IQUB: variants seen among roughly 807,000 people sequenced by gnomAD.
IQUB encodes the protein IQ motif and ubiquitin-like domain-containing protein.
A neutral mutation model predicts 86.4 loss-of-function variants in IQUB; 86 were observed. The ratio of observed to expected loss-of-function variants is 1.00; its 90% confidence interval spans 0.84 to 1.19. The LOEUF (loss-of-function observed/expected upper bound fraction) is 1.19, where lower values mean the gene tolerates loss of function less well. Among genes scored for constraint, IQUB ranks in the 50% most tolerant of loss-of-function variants. IQUB has a pLI of 0.00. For missense variants in IQUB, 946 were observed against 916.9 expected (o/e 1.03, Z -0.41); for synonymous variants, 289 against 304.5 (o/e 0.95, Z 0.53).
intron 3 of IQUB, among the ~76,000 whole-genome samples, chr7:123,508,352 T>C (rs1796281226): frequency 6.6e-6 from 1 of 152,214 alleles, no homozygotes; most frequent in Non-Finnish European, 1.5e-5. Context: ...AAGCGAAATA[T>C]ATGTGCTGCT....
intron 3 of IQUB, among the ~76,000 whole-genome samples, chr7:123,508,440 T>G (rs2117240602): frequency 6.6e-6 from 1 of 152,342 alleles, no homozygotes; most frequent in South Asian, 2.1e-4. Context: ...TTTATTTCTC[T>G]ACTTATTTCT....
chr7:123,514,273 T>G (rs912214919), intron 1 of IQUB, among the ~76,000 whole-genome samples: 2 of 151,800 alleles, frequency 1.3e-5, no homozygotes, highest in African/African-American at 4.8e-5. Flanking sequence ...AAGAAAACTA[T>G]CAACCTAGAA....
Position 123,503,371 on chromosome 7 carries a change from T to C in IQUB, c.533-8A>G, listed in dbSNP as rs193229396. Reference sequence around the variant, plus strand: ...TATTTTTAAGAATTTTTCCTAAAAATTGAAATAAAATTTTTAAAAGTTTTA... The same window carrying C: ...TATTTTTAAGAATTTTTCCTAAAAACTGAAATAAAATTTTTAAAAGTTTTA... On this transcript the variant is annotated splice_region_variant and splice_polypyrimidine_tract_variant and intron_variant, in intron 3 of 12. Transcript: ENST00000324698. 1.1e-5 allele frequency: 16 copies of C among 1,445,192 alleles called. No homozygotes were observed. In the Admixed American group the frequency reaches 3.0e-4, roughly 27 times the overall value. The allele number at this position is 1,445,192 out of a possible 1,614,324, so 89.5% of individuals were successfully genotyped here. A position where few individuals can be genotyped will look rare whatever the true frequency, so the allele number is the denominator to read the frequency against.
chr7:123,494,442 A>G (rs1795624840), intron 7 of IQUB, among the ~76,000 whole-genome samples: 1 of 152,170 alleles, frequency 6.6e-6, no homozygotes, highest in South Asian at 2.1e-4. Flanking sequence ...ATTACAGAAG[A>G]GCAATATAAA....
intron 7 of IQUB, among the ~76,000 whole-genome samples, chr7:123,488,689 G>C (rs1562851568): frequency 6.6e-6 from 1 of 152,202 alleles, no homozygotes; most frequent in Non-Finnish European, 1.5e-5. Context: ...AGAGCAATCA[G>C]TATGAGGCCT....
chr7:123,517,370 A>G (rs1374027566), intron 1 of IQUB, among the ~76,000 whole-genome samples: 1 of 151,654 alleles, frequency 6.6e-6, no homozygotes, highest in Non-Finnish European at 1.5e-5. Flanking sequence ...CTCTACTAAA[A>G]ATACAAAAAA....
At chr7:123,534,170 T>C (rs1257568546) in intron 1 of IQUB, among the ~76,000 whole-genome samples, 1 of 152,172 alleles carries the variant, frequency 6.6e-6, no homozygotes, top group Admixed American at 6.5e-5. Flanking sequence ...TAGTGCCAGG[T>C]GTGGGTTATA....
rs111823969 is a variant in IQUB at position 123,476,461 on chromosome 7, G to T, written c.1410+3334C>A. Among the ~76,000 whole-genome samples the T allele has an allele frequency of 9.1e-3, 1,385 of 152,172 alleles. 14 individuals are homozygous for T. Among genetic ancestry groups the T allele is most frequent in the South Asian group, 0.047 (228 of 4,816 alleles). ...AGTGTGGGTATAGTATTCAGGGAGA[G>T]ATGGCAGTGATACAACAGTGAGATA... On this transcript the variant is annotated intron_variant, in intron 8 of 12. Coordinates refer to ENST00000324698, the MANE Select transcript of IQUB (RefSeq NM_178827.5).
chr7:123,468,091 G>A lies in IQUB; in HGVS notation c.1581+1123C>T, dbSNP rs375683281. ...GGCACCCAGGTAATGGGCATTTCTT[G>A]GTATATCTTTGCTTGATTTTGACAG... On this transcript the variant is annotated intron_variant, in intron 9 of 12. Coordinates refer to ENST00000324698, the MANE Select transcript of IQUB (RefSeq NM_178827.5). Among the ~76,000 whole-genome samples the A allele has an allele frequency of 1.4e-4, 22 of 152,230 alleles. No homozygotes were observed. In the East Asian group the frequency reaches 3.5e-3, roughly 24 times the overall value.
At chr7:123,463,335 T>C (rs1794091169) in intron 10 of IQUB, among the ~76,000 whole-genome samples, 1 of 151,770 alleles carries the variant, frequency 6.6e-6, no homozygotes, top group Non-Finnish European at 1.5e-5. Context: ...TCATATCTAG[T>C]GCTTGTAATG....
chr7:123,469,633 A>G (rs914740987), intron 8 of IQUB, among the ~76,000 whole-genome samples: 1 of 152,190 alleles, frequency 6.6e-6, no homozygotes, highest in African/African-American at 2.4e-5. Flanking sequence ...AGGATTTGCT[A>G]CTAGTTTTTT....
In IQUB at chr7:123,452,298, T is replaced by C. The variant is rs1793456670; in HGVS notation, c.*445A>G. ...CTATACTAAAATATAAATTTTTTTATCCTACTTAAAGAAGTTTTCAAGAAA... is the reference window on the plus strand; with the variant it reads ...CTATACTAAAATATAAATTTTTTTACCCTACTTAAAGAAGTTTTCAAGAAA... On this transcript the variant is annotated 3_prime_UTR_variant, in exon 13 of 13. Coordinates refer to ENST00000324698, the MANE Select transcript of IQUB (RefSeq NM_178827.5). 1 of 152,310 alleles carries C rather than the reference T, an allele frequency of 6.6e-6. No homozygotes were observed. Among genetic ancestry groups the C allele is most frequent in the African/African-American group, 2.4e-5 (1 of 41,452 alleles). The allele number at this position is 152,310 out of a possible 1,614,324, so 9.4% of individuals were successfully genotyped here. A position where few individuals can be genotyped will look rare whatever the true frequency, so the allele number is the denominator to read the frequency against.
chr7:123,507,445 G>A (rs1453090936), intron 3 of IQUB, among the ~76,000 whole-genome samples: 3 of 152,186 alleles, frequency 2.0e-5, no homozygotes, highest in Admixed American at 1.3e-4. Flanking sequence ...GACATATGAT[G>A]TTTCCAATTT....
intron 7 of IQUB, among the ~76,000 whole-genome samples, chr7:123,483,877 T>C (rs1449803500): frequency 6.6e-6 from 1 of 152,146 alleles, no homozygotes; most frequent in African/African-American, 2.4e-5. Context: ...CACTAAGTTT[T>C]AGGACTAATT....
Position 123,512,071 on chromosome 7 carries a change from A to C in IQUB, c.270T>G (p.Tyr90Ter). The change falls in exon 2 of 13, where the codon TAT becomes TAG. Residue 90 changes from tyrosine (Y) to a stop codon, truncating the protein, a stop_gained. Transcript: ENST00000324698. LOFTEE classifies it high-confidence loss of function. ...ATTGCTTTTCATGATGTTGCGGAGT[A>C]TATGAAACTTGTCTTGGTGATATAA... is the stretch of plus-strand genomic sequence containing the variant. The part of the protein sequence containing the change: ...EEVISPRQVS[Y>*]TPQHHEKQYA... The C allele has an allele frequency of 6.2e-7, 1 of 1,614,086 alleles. No individual in the cohort carries two copies. The highest frequency in any genetic ancestry group is 8.5e-7 in the Non-Finnish European group (1 of 1,179,976).
chr7:123,509,306 T>C (rs759336126), intron 3 of IQUB, among the ~76,000 whole-genome samples: 2 of 152,160 alleles, frequency 1.3e-5, no homozygotes, highest in South Asian at 2.1e-4. Context: ...AAAATATAAA[T>C]ATACCTATCA....
At position 123,511,943 on chromosome 7, in the gene IQUB, C is replaced by A; in HGVS notation, c.397+1G>T. 1.3e-6 allele frequency: 2 copies of A among 1,592,282 alleles called. No homozygotes were observed. Among genetic ancestry groups the A allele is most frequent in the South Asian group, 1.1e-5 (1 of 88,962 alleles). On this transcript the variant is annotated splice_donor_variant, in intron 2 of 12. Transcript: ENST00000324698. LOFTEE classifies it high-confidence loss of function. ...AATAGCCTATCTTCCTTAGGTAGTA[C>A]CTGTTGCTAGAGAATCTTCCACTGA...
At position 123,467,327 on chromosome 7, in the gene IQUB, C is replaced by T. The variant is rs116888298; in HGVS notation, c.1581+1887G>A. 7.2e-3 allele frequency among the ~76,000 whole-genome samples: 1,102 copies of T among 152,136 alleles called. 7 individuals carry two copies. Among genetic ancestry groups the T allele is most frequent in the Middle Eastern group, 0.01 (3 of 294 alleles). ...AGCCCTACTTCAGCACTGAAGCAGACTCTCAGCGGCAGGTTGTGGTAGCTG... is the reference window on the plus strand; with the variant it reads ...AGCCCTACTTCAGCACTGAAGCAGATTCTCAGCGGCAGGTTGTGGTAGCTG... On this transcript the variant is annotated intron_variant, in intron 9 of 12. Coordinates refer to ENST00000324698, the MANE Select transcript of IQUB (RefSeq NM_178827.5).
intron 12 of IQUB, chr7:123,456,522 A>T (rs1235822926): frequency 1.3e-5 from 2 of 152,076 alleles, no homozygotes; most frequent in Non-Finnish European, 2.9e-5. Flanking sequence ...CTAGTTTCTT[A>T]TCTTTATATT....
Sources: gnomAD v4.1 joint callset for allele counts (sites outside exome capture counted in the v4.1 genomes callset) on GRCh38, gnomAD v4.1.1 for gene constraint, MANE v1.5 for transcripts, NCBI Gene and HGNC (gene_info 2026-07-23, HGNC 2026-07-21) for gene names.